Variants in SH3RF2 observed in about 807,000 individuals in gnomAD.
SH3RF2 encodes E3 ubiquitin-protein ligase SH3RF2.
SH3RF2 carries 43 observed loss-of-function variants against 59.0 expected under a neutral mutation model. The ratio of observed to expected loss-of-function variants is 0.73; its 90% confidence interval spans 0.57 to 0.94. The LOEUF is 0.94. Among genes scored for constraint, SH3RF2 ranks in the 40% least tolerant of loss-of-function variants. The probability of loss-of-function intolerance (pLI) is 0.00; values close to 1 mark genes in which losing one functional copy is unlikely to be tolerated. For missense variants in SH3RF2, 930 were observed against 940.1 expected, an observed-to-expected ratio of 0.99 and a Z score of 0.14; for synonymous variants, 391 against 391.5, an observed-to-expected ratio of 1.00 and a Z score of 0.01.
chr5:145,956,111 T>C (rs978657813), intron 2 of SH3RF2, among the ~76,000 whole-genome samples: 1 of 152,190 alleles, frequency 6.6e-6, no homozygotes, highest in Non-Finnish European at 1.5e-5. Flanking sequence ...TCTGGGAGTC[T>C]GAATTTCTCA....
chr5:145,988,139 T>C (rs1047348218), intron 2 of SH3RF2, among the ~76,000 whole-genome samples: 2 of 152,156 alleles, frequency 1.3e-5, no homozygotes, highest in African/African-American at 4.8e-5. Context: ...CAGACAGCAT[T>C]TCTTTTTACC....
chr5:146,052,299 A>T (rs1282264843), intron 7 of SH3RF2, among the ~76,000 whole-genome samples: 2 of 152,040 alleles, frequency 1.3e-5, no homozygotes. Context: ...ATTTCATCCC[A>T]GTGTATTTCA....
chr5:146,028,166 ACACACACACACACACACACACACACAC>A (rs1761605680), intron 5 of SH3RF2, among the ~76,000 whole-genome samples: 1 of 13,606 alleles, frequency 7.3e-5, no homozygotes, highest in Non-Finnish European at 1.7e-4. Flanking sequence ...GGCCTGCAAC[ACACACACACACACACACACACACACAC>A]ACACACACAC....
chr5:146,021,771 G>T (rs1400868172), intron 5 of SH3RF2, among the ~76,000 whole-genome samples: 1 of 152,164 alleles, frequency 6.6e-6, no homozygotes, highest in Non-Finnish European at 1.5e-5. Flanking sequence ...CAGAGATACA[G>T]TGTTGTACAG....
chr5:145,966,286 A>G (rs1349979514), intron 2 of SH3RF2, among the ~76,000 whole-genome samples: 1 of 152,194 alleles, frequency 6.6e-6, no homozygotes, highest in African/African-American at 2.4e-5. Context: ...AAGAGGGATG[A>G]CAGTGGCAGC....
At chr5:146,053,509 T>C (rs1762568363) in intron 7 of SH3RF2, among the ~76,000 whole-genome samples, 1 of 152,006 alleles carries the variant, frequency 6.6e-6, no homozygotes, top group Admixed American at 6.5e-5. Context: ...TAAGGGTCAG[T>C]CTCAGCCAAT....
intron 5 of SH3RF2, among the ~76,000 whole-genome samples, chr5:146,044,332 G>A (rs1762233525): frequency 6.6e-6 from 1 of 152,038 alleles, no homozygotes; most frequent in Non-Finnish European, 1.5e-5. Context: ...TGTATGTTTA[G>A]TAGAGACAGG....
intron 5 of SH3RF2, 115 bp downstream of exon 5, chr5:146,014,176 G>C (rs1416556956): frequency 5.9e-6 from 6 of 1,010,112 alleles, no homozygotes; most frequent in Non-Finnish European, 8.9e-6. Context: ...TGCCCTACTA[G>C]TAACTAATGC....
At chr5:145,984,255 A>C (rs1759616085) in intron 2 of SH3RF2, among the ~76,000 whole-genome samples, 1 of 152,206 alleles carries the variant, frequency 6.6e-6, no homozygotes, top group Non-Finnish European at 1.5e-5. Flanking sequence ...CAGAGCTCAC[A>C]ATCTGGTGTG....
At chr5:145,954,513 T>C (rs1561707636) in intron 2 of SH3RF2, among the ~76,000 whole-genome samples, 1 of 152,276 alleles carries the variant, frequency 6.6e-6, no homozygotes, top group Non-Finnish European at 1.5e-5. Flanking sequence ...GTCTGTTTAC[T>C]CTGTTGACAG....
rs115519433 is a variant in SH3RF2, at chr5:146,077,659, T to C, written c.*34-801T>C. Among the ~76,000 whole-genome samples, 1,201 of 152,350 alleles carry C rather than the reference T, an allele frequency of 7.9e-3. 14 individuals are homozygous for C. The highest frequency in any genetic ancestry group is 0.027 in the African/African-American group (1,142 of 41,586). ...GTTGATATAGTACTATTAACTAGTC[T>C]ACAGGTCTTATTCAATTGCCCTTCT... On this transcript the variant is annotated intron_variant, in intron 9 of 9. Coordinates refer to the SH3RF2 transcript ENST00000511217.
chr5:146,005,320 T>C (rs1465965186), intron 4 of SH3RF2, among the ~76,000 whole-genome samples: 1 of 152,218 alleles, frequency 6.6e-6, no homozygotes, highest in Non-Finnish European at 1.5e-5. Context: ...CTGCATTTAC[T>C]GGGTGCTTAA....
At chr5:145,977,252 C>T (rs1759329935) in intron 2 of SH3RF2, among the ~76,000 whole-genome samples, 1 of 152,254 alleles carries the variant, frequency 6.6e-6, no homozygotes, top group African/African-American at 2.4e-5. Context: ...CGCTTATCAT[C>T]TACACTTTGT....
intron 5 of SH3RF2, among the ~76,000 whole-genome samples, chr5:146,040,796 C>G (rs892203732): frequency 1.3e-5 from 2 of 152,098 alleles, no homozygotes; most frequent in Non-Finnish European, 2.9e-5. Flanking sequence ...GCAGGCAGGG[C>G]TGGCTCTGAA....
At chr5:145,993,497 G>A (rs891392062) in intron 2 of SH3RF2, among the ~76,000 whole-genome samples, 3 of 152,230 alleles carry the variant, frequency 2.0e-5, no homozygotes, top group Non-Finnish European at 2.9e-5. Context: ...ACATCCAGGT[G>A]TTTCCATACA....
In SH3RF2 at chr5:146,003,445, T is replaced by C. The variant is rs142170975; in HGVS notation, c.649-613T>C. On this transcript the variant is annotated intron_variant, in intron 3 of 9. Coordinates refer to ENST00000359120, the MANE Select transcript of SH3RF2 (RefSeq NM_152550.4). ...AAAAGTTTTTTAAAAATATGTATGTTTATATGTATGTATGTTTTGTCTTGA... is the reference window on the plus strand; with the variant it reads ...AAAAGTTTTTTAAAAATATGTATGTCTATATGTATGTATGTTTTGTCTTGA... Among the ~76,000 whole-genome samples, 655 of 152,364 alleles carry C rather than the reference T, an allele frequency of 4.3e-3. 4 individuals carry two copies. Among genetic ancestry groups the C allele is most frequent in the Middle Eastern group, 0.01 (3 of 294 alleles).
chr5:145,938,055 G>T lies in SH3RF2; in HGVS notation c.127G>T (p.Ala43Ser). Residue 43 changes from alanine (A) to serine (S), a missense_variant, in exon 2 of 10, where the codon GCC (alanine) becomes TCC (serine). Ala to Ser is a moderately conservative substitution (Grantham distance 99, BLOSUM62 1). Transcript: ENST00000359120. ...CKPCLQRVFK[A>S]HKELRCPECR... ...ACCATGTCTACAGAGGGTTTTCAAG[G>T]CCCACAAAGAGCTGCGGTGCCCCGA... 1 of 1,614,202 alleles carries T rather than the reference G, an allele frequency of 6.2e-7. No individual in the cohort carries two copies. The highest frequency in any genetic ancestry group is 8.5e-7 in the Non-Finnish European group (1 of 1,180,030).
At position 146,003,882 on chromosome 5, in the gene SH3RF2, C is replaced by T. The variant is rs185789665; in HGVS notation, c.649-176C>T. Reference sequence around the variant, plus strand: ...CTACCCCTCTATGGTCTCAGTGACACAAACACTGCCCTTTATGGAGAAAGT... The same window carrying T: ...CTACCCCTCTATGGTCTCAGTGACATAAACACTGCCCTTTATGGAGAAAGT... On this transcript the variant is annotated intron_variant, in intron 3 of 9. Transcript: ENST00000359120. Among the ~76,000 whole-genome samples the T allele has an allele frequency of 1.1e-4, 16 of 152,292 alleles. No homozygotes were observed. In the East Asian group the frequency reaches 3.1e-3, roughly 29 times the overall value.
chr5:145,997,478 T>A, intron 2 of SH3RF2: 1 of 1,563,554 alleles, frequency 6.4e-7, no homozygotes, highest in Non-Finnish European at 8.8e-7. Flanking sequence ...GGATAATGGA[T>A]ACAGTACAAT....
Sources: gnomAD v4.1 joint callset for allele counts (sites outside exome capture counted in the v4.1 genomes callset) on GRCh38, gnomAD v4.1.1 for gene constraint, MANE v1.5 for transcripts, NCBI Gene and HGNC (gene_info 2026-07-23, HGNC 2026-07-21) for gene names.